Variants in XYLT1 observed in about 807,000 individuals in gnomAD.
XYLT1 encodes the protein xylosyltransferase 1.
Under a neutral mutation model 91.3 loss-of-function variants are expected in XYLT1, and 36 were observed. The ratio of observed to expected loss-of-function variants is 0.39; its 90% confidence interval spans 0.30 to 0.52. The LOEUF is 0.52. Among genes scored for constraint, XYLT1 ranks in the 20% least tolerant of loss-of-function variants. XYLT1 has a pLI of 0.68. For missense variants in XYLT1, 1,242 were observed against 1,284.5 expected (o/e 0.97, Z 0.51); for synonymous variants, 588 against 532.0 (o/e 1.11, Z -1.45).
At chr16:17,398,329 A>C (rs1320147767) in intron 1 of XYLT1, among the ~76,000 whole-genome samples, 1 of 152,216 alleles carries the variant, frequency 6.6e-6, no homozygotes, top group Admixed American at 6.5e-5. Context: ...AGAATGTCAC[A>C]GGGAGGGTGT....
chr16:17,162,487 G>T (rs1367973924), intron 5 of XYLT1, among the ~76,000 whole-genome samples: 1 of 151,272 alleles, frequency 6.6e-6, no homozygotes, highest in Non-Finnish European at 1.5e-5. Context: ...CATCCATTTA[G>T]TAAAGTGCAG....
At chr16:17,284,588 G>GGGCAAAAGGTACCA (rs2034107047) in intron 2 of XYLT1, among the ~76,000 whole-genome samples, 1 of 152,156 alleles carries the variant, frequency 6.6e-6, no homozygotes, top group Non-Finnish European at 1.5e-5. Context: ...AACACATACC[G>GGGCAAAAGGTACCA]GGCAAAAGGT....
intron 1 of XYLT1, among the ~76,000 whole-genome samples, chr16:17,418,156 G>A (rs889472776): frequency 2.0e-5 from 3 of 152,208 alleles, no homozygotes; most frequent in Non-Finnish European, 2.9e-5. Context: ...TAGTCATTAC[G>A]TTAGAGAACT....
chr16:17,232,196 A>G (rs1340502917), intron 3 of XYLT1, among the ~76,000 whole-genome samples: 2 of 142,128 alleles, frequency 1.4e-5, no homozygotes, highest in African/African-American at 2.6e-5. Context: ...TATATATAAA[A>G]TATATAATAT....
chr16:17,453,707 C>T (rs2036698083), intron 1 of XYLT1, among the ~76,000 whole-genome samples: 1 of 152,142 alleles, frequency 6.6e-6, no homozygotes. Context: ...ATTGGGGACA[C>T]AGGGCTATAT....
chr16:17,454,180 G>A (rs932537945), intron 1 of XYLT1, among the ~76,000 whole-genome samples: 3 of 152,190 alleles, frequency 2.0e-5, no homozygotes, highest in African/African-American at 7.2e-5. Context: ...ATACTCAACA[G>A]AAATGTTTGC....
At chr16:17,232,787 G>T (rs939350706) in intron 3 of XYLT1, among the ~76,000 whole-genome samples, 2 of 151,854 alleles carry the variant, frequency 1.3e-5, no homozygotes, top group African/African-American at 4.8e-5. Context: ...ATATGAGGTG[G>T]CGGCCTTCGT....
chr16:17,293,907 T>C (rs763883453), intron 2 of XYLT1, among the ~76,000 whole-genome samples: 4 of 152,126 alleles, frequency 2.6e-5, no homozygotes, highest in Non-Finnish European at 4.4e-5. Context: ...ATCTAAACAA[T>C]GCAGAGCAGA....
chr16:17,304,797 C>CA (rs369438848), intron 2 of XYLT1, among the ~76,000 whole-genome samples: 28 of 152,248 alleles, frequency 1.8e-4, no homozygotes, highest in African/African-American at 6.5e-4. Flanking sequence ...TGAATACTCT[C>CA]AAAGCATTCA....
intron 5 of XYLT1, among the ~76,000 whole-genome samples, chr16:17,167,214 C>T (rs2031709343): frequency 6.6e-6 from 1 of 152,222 alleles, no homozygotes. Flanking sequence ...TGATCCATTT[C>T]TGTAGACAGA....
intron 2 of XYLT1, among the ~76,000 whole-genome samples, chr16:17,346,217 G>A (rs955945624): frequency 6.6e-6 from 1 of 152,198 alleles, no homozygotes; most frequent in African/African-American, 2.4e-5. Flanking sequence ...CATAGACCAT[G>A]ACCTGCCCCC....
rs71390593 is a variant in XYLT1, at chr16:17,184,185, C to CTTTTT, written c.1289+14022_1289+14026dup. On this transcript the variant is annotated intron_variant, in intron 5 of 11. Coordinates refer to ENST00000261381, the MANE Select transcript of XYLT1 (RefSeq NM_022166.4). ...GGAGAAAAAGTCACATAAAAGACGG[C>CTTTTT]TTTTTTTTTTTTTTTTTTTTGCCAA... 7.8e-4 allele frequency among the ~76,000 whole-genome samples: 84 copies of CTTTTT among 107,480 alleles called. 2 individuals are homozygous for CTTTTT. The highest frequency in any genetic ancestry group is 1.2e-3 in the African/African-American group (31 of 26,926). The allele number at this position is 107,480 out of a possible 152,430, so 70.5% of individuals were successfully genotyped here.
intron 2 of XYLT1, among the ~76,000 whole-genome samples, chr16:17,294,925 T>C (rs2034287094): frequency 6.6e-6 from 1 of 151,936 alleles, no homozygotes; most frequent in African/African-American, 2.4e-5. Flanking sequence ...CTACGAAGAA[T>C]GGCAACAAAA....
chr16:17,344,996 C>T (rs545061830), intron 2 of XYLT1, among the ~76,000 whole-genome samples: 6 of 152,294 alleles, frequency 3.9e-5, no homozygotes, highest in African/African-American at 9.6e-5. Context: ...TGAGCCACTG[C>T]GCCCGGCCTA....
At chr16:17,194,836 G>T (rs1381961133) in intron 5 of XYLT1, among the ~76,000 whole-genome samples, 4 of 152,208 alleles carry the variant, frequency 2.6e-5, no homozygotes, top group Non-Finnish European at 5.9e-5. Context: ...TGTTGTAAGG[G>T]TTGAAACAAG....
rs1436596688 is a variant in XYLT1 at position 17,470,873 on chromosome 16, C to A, written c.-77G>T. The A allele has an allele frequency of 1.0e-6, 1 of 979,328 alleles. No individual in the cohort carries two copies. The highest frequency in any genetic ancestry group is 4.6e-5 in the South Asian group (1 of 21,950). 60.7% of individuals were successfully genotyped at this position (979,328 alleles called of 1,614,324 possible). A position where few individuals can be genotyped will look rare whatever the true frequency, so the allele number is the denominator to read the frequency against. On this transcript the variant is annotated 5_prime_UTR_variant, in exon 1 of 12. Coordinates refer to ENST00000261381, the MANE Select transcript of XYLT1 (RefSeq NM_022166.4). ...CCGCCCCCGCGCTCCCCGCAGCTCC[C>A]GCGGCCGCCGGCTGCCGCTCGGGCT...
intron 10 of XYLT1, among the ~76,000 whole-genome samples, chr16:17,118,602 C>A (rs983965074): frequency 2.0e-5 from 3 of 152,184 alleles, no homozygotes; most frequent in Non-Finnish European, 4.4e-5. Flanking sequence ...ATCCTTCCTT[C>A]CTGCCAGCCA....
intron 8 of XYLT1, 169 bp downstream of exon 8, chr16:17,138,186 T>TAAGA: frequency 2.9e-6 from 2 of 696,646 alleles, no homozygotes; most frequent in Non-Finnish European, 4.6e-6. Context: ...CTGAAGTAAG[T>TAAGA]GCTCAATAAA....
At chr16:17,182,431 G>A (rs1436822186) in intron 5 of XYLT1, among the ~76,000 whole-genome samples, 3 of 152,114 alleles carry the variant, frequency 2.0e-5, no homozygotes. Flanking sequence ...CCTTCTATAG[G>A]ATCAGGGCTC....
Sources: allele counts gnomAD v4.1 joint callset (sites outside exome capture counted in the v4.1 genomes callset), GRCh38; gene constraint gnomAD v4.1.1; transcripts MANE v1.5; gene names NCBI Gene and HGNC (gene_info 2026-07-23, HGNC 2026-07-21).